Variants in SLC8A3 observed in about 807,000 individuals in gnomAD.
SLC8A3 encodes solute carrier family 8 member A3, also known as sodium/calcium exchanger 3.
A neutral mutation model predicts 65.4 loss-of-function variants in SLC8A3; 37 were observed. The observed-to-expected ratio is 0.57, with a 90% CI of 0.44 to 0.74. SLC8A3 has a LOEUF of 0.74. SLC8A3 is among the 30% of genes least tolerant of loss of function. SLC8A3 has a pLI of 0.00. For synonymous variants in SLC8A3, 461 were observed against 444.5 expected (o/e 1.04, Z -0.47); for missense variants, 1,112 against 1,172.1 (o/e 0.95, Z 0.75).
intron 2 of SLC8A3, among the ~76,000 whole-genome samples, chr14:70,157,581 C>T (rs1012629495): frequency 4.6e-5 from 7 of 152,122 alleles, no homozygotes; most frequent in African/African-American, 1.2e-4. Flanking sequence ...CTTTGGGGTA[C>T]CATTGCAAGC....
intron 2 of SLC8A3, among the ~76,000 whole-genome samples, chr14:70,093,329 T>C (rs1327156269): frequency 6.6e-6 from 1 of 152,222 alleles, no homozygotes; most frequent in East Asian, 1.9e-4. Context: ...GTCTTTGTGT[T>C]TGCGTGGTGC....
At chr14:70,174,732 G>A (rs1259410613) in intron 1 of SLC8A3, among the ~76,000 whole-genome samples, 1 of 126,778 alleles carries the variant, frequency 7.9e-6, no homozygotes, top group Non-Finnish European at 1.6e-5. Context: ...TGCAGGTACA[G>A]CCATGAACCA....
At chr14:70,093,544 T>C (rs2140071599) in intron 2 of SLC8A3, among the ~76,000 whole-genome samples, 1 of 152,310 alleles carries the variant, frequency 6.6e-6, no homozygotes, top group African/African-American at 2.4e-5. Flanking sequence ...GTCAAATCCT[T>C]TCTCAGAGAA....
intron 2 of SLC8A3, among the ~76,000 whole-genome samples, chr14:70,071,586 C>T (rs1890019238): frequency 6.6e-6 from 1 of 152,140 alleles, no homozygotes; most frequent in Non-Finnish European, 1.5e-5. Context: ...CTGCTGATGG[C>T]CTGAATAAGG....
At chr14:70,097,334 G>A (rs1892254030) in intron 2 of SLC8A3, among the ~76,000 whole-genome samples, 1 of 150,482 alleles carries the variant, frequency 6.6e-6, no homozygotes, top group African/African-American at 2.4e-5. Flanking sequence ...AATCCCAGCA[G>A]CACATCTGCA....
intron 5 of SLC8A3, 70 bp downstream of exon 5, chr14:70,050,938 C>T (rs964244783): frequency 5.3e-5 from 50 of 944,928 alleles, no homozygotes; most frequent in Non-Finnish European, 6.8e-5. Context: ...AGGCTGTTAA[C>T]GTGGCTTTAC....
chr14:70,156,589 T>C (rs998306), intron 2 of SLC8A3, among the ~76,000 whole-genome samples: 16,260 of 152,238 alleles, frequency 0.11, 1,168 homozygotes, highest in Non-Finnish European at 0.16. Flanking sequence ...TCCTATGCAA[T>C]GGGACATGAG....
chr14:70,143,857 TCAGGTGTATA>T (rs1299480933), intron 2 of SLC8A3, among the ~76,000 whole-genome samples: 1 of 152,206 alleles, frequency 6.6e-6, no homozygotes, highest in Non-Finnish European at 1.5e-5. Context: ...TACACGGCTG[TCAGGTGTATA>T]CTCATTTCAT....
At position 70,164,342 on chromosome 14, in the gene SLC8A3, G is replaced by A. The variant is rs199991832; in HGVS notation, c.1784+2297C>T. 8.5e-5 allele frequency among the ~76,000 whole-genome samples: 13 copies of A among 152,248 alleles called. No homozygotes were observed. The East Asian group carries it at 2.5e-3, about 29-fold the overall frequency. On this transcript the variant is annotated intron_variant, in intron 2 of 6. Transcript: ENST00000356921. The stretch of plus-strand genomic sequence containing the variant: ...GCAATTTAAAATATCAAGAATAGGG[G>A]TGCCACGTGAGAACAGATGAGCAGG...
intron 2 of SLC8A3, among the ~76,000 whole-genome samples, chr14:70,083,333 C>A (rs1005123619): frequency 3.9e-5 from 6 of 152,148 alleles, no homozygotes; most frequent in African/African-American, 1.4e-4. Flanking sequence ...TTGGGCAGGG[C>A]AGTTATCAAG....
chr14:70,155,369 C>A (rs1896517280), intron 2 of SLC8A3, among the ~76,000 whole-genome samples: 1 of 152,126 alleles, frequency 6.6e-6, no homozygotes, highest in Non-Finnish European at 1.5e-5. Context: ...TATCCATTAA[C>A]CAACCTCTCC....
chr14:70,159,765 C>T (rs1411522515), intron 2 of SLC8A3, among the ~76,000 whole-genome samples: 1 of 150,172 alleles, frequency 6.7e-6, no homozygotes, highest in Admixed American at 6.6e-5. Flanking sequence ...TTGCCTGAAG[C>T]TCCAATTAGC....
chr14:70,048,269 C>A (rs1887026413), intron 6 of SLC8A3: 2 of 243,056 alleles, frequency 8.2e-6, no homozygotes, highest in African/African-American at 4.5e-5. Flanking sequence ...TGTATGTGGG[C>A]ATTTCTCCTT....
intron 2 of SLC8A3, among the ~76,000 whole-genome samples, chr14:70,077,414 A>G (rs1214958258): frequency 6.6e-6 from 1 of 152,110 alleles, no homozygotes. Flanking sequence ...TTAATCCAAC[A>G]CTGCTCTTTG....
intron 2 of SLC8A3, among the ~76,000 whole-genome samples, chr14:70,118,793 T>C (rs1440830812): frequency 6.6e-6 from 1 of 152,134 alleles, no homozygotes; most frequent in Non-Finnish European, 1.5e-5. Flanking sequence ...TGTGGAGGCA[T>C]CAGGGGGACA....
chr14:70,187,755 A>G (rs1883444490), intron 1 of SLC8A3, among the ~76,000 whole-genome samples: 1 of 151,510 alleles, frequency 6.6e-6, no homozygotes, highest in Admixed American at 6.6e-5. Context: ...AGCACTGGAG[A>G]AACCCTCCTT....
intron 5 of SLC8A3, among the ~76,000 whole-genome samples, chr14:70,050,493 C>T (rs1416511537): frequency 6.6e-6 from 1 of 152,132 alleles, no homozygotes; most frequent in African/African-American, 2.4e-5. Context: ...TGCTGTGGGT[C>T]ACTACTGAGG....
At chr14:70,055,223 G>C (rs2139766245) in intron 3 of SLC8A3, among the ~76,000 whole-genome samples, 2 of 152,140 alleles carry the variant, frequency 1.3e-5, no homozygotes, top group East Asian at 3.9e-4. Flanking sequence ...ACGGCACATA[G>C]GACTTTAAGG....
intron 2 of SLC8A3, among the ~76,000 whole-genome samples, chr14:70,064,863 A>C (rs1210787961): frequency 6.6e-6 from 1 of 151,704 alleles, no homozygotes; most frequent in Non-Finnish European, 1.5e-5. Flanking sequence ...TTCTTCCTTC[A>C]TTTATTTATT....
Sources: gnomAD v4.1 joint callset for allele counts (sites outside exome capture counted in the v4.1 genomes callset) on GRCh38, gnomAD v4.1.1 for gene constraint, MANE v1.5 for transcripts, NCBI Gene and HGNC (gene_info 2026-07-23, HGNC 2026-07-21) for gene names.